Variants in GPC5 observed in about 807,000 individuals in gnomAD.
GPC5 encodes glypican-5.
A neutral mutation model predicts 53.9 loss-of-function variants in GPC5; 47 were observed. That is an observed-to-expected ratio of 0.87 (90% CI 0.69 to 1.11). GPC5 has a LOEUF of 1.11. Ranked by LOEUF, GPC5 falls within the 50% of genes most tolerant of loss-of-function variation. The pLI is 0.00. For missense variants in GPC5, 748 were observed against 713.1 expected (o/e 1.05, Z -0.56); for synonymous variants, 286 against 263.3 (o/e 1.09, Z -0.84).
chr13:92,524,847 C>G (rs1881213123), intron 7 of GPC5, among the ~76,000 whole-genome samples: 1 of 152,000 alleles, frequency 6.6e-6, no homozygotes, highest in Non-Finnish European at 1.5e-5. Flanking sequence ...AATACAAGGT[C>G]CAGAATTAAA....
chr13:92,420,870 ATTTTCTTTTTCTATTCATCTGT>A, intron 7 of GPC5, among the ~76,000 whole-genome samples: 1 of 152,126 alleles, frequency 6.6e-6, no homozygotes, highest in South Asian at 2.1e-4. Flanking sequence ...TATGCACCAC[ATTTTCTTTTTCTATTCATCTGT>A]TGATGGACAC....
intron 2 of GPC5, among the ~76,000 whole-genome samples, chr13:91,573,411 G>T (rs2032012449): frequency 6.6e-6 from 1 of 152,158 alleles, no homozygotes. Context: ...ATTCAGAGAT[G>T]ACTGCTGTCA....
chr13:91,852,327 C>G (rs886257458), intron 5 of GPC5, among the ~76,000 whole-genome samples: 3 of 152,022 alleles, frequency 2.0e-5, no homozygotes, highest in African/African-American at 7.2e-5. Context: ...ATCAATATCA[C>G]CGTCTTTCAC....
intron 7 of GPC5, among the ~76,000 whole-genome samples, chr13:92,411,201 C>T (rs1876028177): frequency 6.6e-6 from 1 of 152,038 alleles, no homozygotes; most frequent in Non-Finnish European, 1.5e-5. Flanking sequence ...GCCTGGGAGG[C>T]AGAGGTTGCA....
intron 7 of GPC5, among the ~76,000 whole-genome samples, chr13:92,463,314 A>T (rs779718109): frequency 6.6e-6 from 1 of 152,174 alleles, no homozygotes; most frequent in Non-Finnish European, 1.5e-5. Flanking sequence ...TGCTGCCGAG[A>T]ATGCTGTTTA....
chr13:92,156,184 T>C lies in GPC5; in HGVS notation c.1561+11195T>C, dbSNP rs149207481. On this transcript the variant is annotated intron_variant, in intron 7 of 7. Transcript: ENST00000377067. Reference sequence around the variant, plus strand: ...ATCTTCTCTTCTTAACTTTCTGTTATTCTTATCTCACTATTTTTTTTCCAC... The same window carrying C: ...ATCTTCTCTTCTTAACTTTCTGTTACTCTTATCTCACTATTTTTTTTCCAC... 2.8e-4 allele frequency among the ~76,000 whole-genome samples: 42 copies of C among 152,268 alleles called. No homozygotes were observed. The East Asian group carries it at 7.7e-3, about 28-fold the overall frequency.
chr13:92,145,256 T>G (rs2041858806), intron 7 of GPC5, among the ~76,000 whole-genome samples: 1 of 152,140 alleles, frequency 6.6e-6, no homozygotes, highest in Non-Finnish European at 1.5e-5. Context: ...GAAAGTGGAA[T>G]AACTCTTAAG....
intron 7 of GPC5, among the ~76,000 whole-genome samples, chr13:92,627,565 T>C (rs906753937): frequency 4.6e-5 from 7 of 152,214 alleles, no homozygotes; most frequent in Non-Finnish European, 8.8e-5. Context: ...ACATATTTAC[T>C]GTAATTCATA....
chr13:91,907,503 T>TTATATATATATATATATATATA (rs369447673), intron 5 of GPC5, among the ~76,000 whole-genome samples: 36 of 129,520 alleles, frequency 2.8e-4, no homozygotes, highest in African/African-American at 1.0e-3. Context: ...CTCTCTCTCT[T>TTATATATATATATATATATATA]TATATATATA....
chr13:92,380,916 GA>G (rs890659343), intron 7 of GPC5, among the ~76,000 whole-genome samples: 1 of 146,702 alleles, frequency 6.8e-6, no homozygotes, highest in Non-Finnish European at 1.5e-5. Context: ...AATAATAAAA[GA>G]AAAAAAAGAA....
At chr13:92,188,845 G>T (rs1264418606) in intron 7 of GPC5, among the ~76,000 whole-genome samples, 4 of 152,214 alleles carry the variant, frequency 2.6e-5, no homozygotes, top group Non-Finnish European at 5.9e-5. Flanking sequence ...CCACCCGACA[G>T]CAGGTGAAAA....
intron 6 of GPC5, among the ~76,000 whole-genome samples, chr13:92,105,189 G>T (rs1261438238): frequency 2.0e-5 from 3 of 151,990 alleles, no homozygotes; most frequent in African/African-American, 7.2e-5. Context: ...CTGGTGAGGG[G>T]AATTCACAAC....
intron 6 of GPC5, among the ~76,000 whole-genome samples, chr13:92,096,224 C>T (rs1431097213): frequency 6.6e-6 from 1 of 152,158 alleles, no homozygotes; most frequent in Non-Finnish European, 1.5e-5. Context: ...CATCATTGGC[C>T]CTAGTTGCCG....
At chr13:91,591,078 G>A (rs1184811495) in intron 2 of GPC5, among the ~76,000 whole-genome samples, 2 of 152,106 alleles carry the variant, frequency 1.3e-5, no homozygotes, top group African/African-American at 2.4e-5. Context: ...ACAGTGACAG[G>A]CATTTGTAAA....
intron 7 of GPC5, among the ~76,000 whole-genome samples, chr13:92,331,655 T>C (rs1319559385): frequency 6.7e-6 from 1 of 148,896 alleles, no homozygotes; most frequent in East Asian, 2.0e-4. Flanking sequence ...AAAATTTTTC[T>C]CACAAATGAT....
In GPC5 at chr13:92,416,238, C is replaced by G. The variant is rs1048038868; in HGVS notation, c.1561+271249C>G. On this transcript the variant is annotated intron_variant, in intron 7 of 7. Transcript: ENST00000377067. ...GCCAACTTATTTATGATGACTCTTTCTCATCACAGAGTGTGTGGATTTAGA... is the reference window on the plus strand; with the variant it reads ...GCCAACTTATTTATGATGACTCTTTGTCATCACAGAGTGTGTGGATTTAGA... Among the ~76,000 whole-genome samples the G allele has an allele frequency of 1.4e-4, 22 of 152,156 alleles. 1 individual carries two copies. The highest frequency in any genetic ancestry group is 2.9e-5 in the Non-Finnish European group (2 of 68,040).
chr13:91,955,924 G>A (rs2040068767), intron 6 of GPC5, among the ~76,000 whole-genome samples: 1 of 152,168 alleles, frequency 6.6e-6, no homozygotes, highest in African/African-American at 2.4e-5. Context: ...CAGTTTACAA[G>A]CACCCTGAGG....
chr13:92,358,371 G>T (rs550892774), intron 7 of GPC5, among the ~76,000 whole-genome samples: 1 of 151,842 alleles, frequency 6.6e-6, no homozygotes, highest in African/African-American at 2.4e-5. Flanking sequence ...GGCACTGAGT[G>T]CCTGAGGCTT....
intron 7 of GPC5, among the ~76,000 whole-genome samples, chr13:92,435,516 T>C (rs977586008): frequency 6.6e-6 from 1 of 152,104 alleles, no homozygotes; most frequent in Non-Finnish European, 1.5e-5. Context: ...AATACACTCA[T>C]TGGAGAATTT....
Sources: gnomAD v4.1 joint callset for allele counts (sites outside exome capture counted in the v4.1 genomes callset) on GRCh38, gnomAD v4.1.1 for gene constraint, MANE v1.5 for transcripts, NCBI Gene and HGNC (gene_info 2026-07-23, HGNC 2026-07-21) for gene names.